PPP3CA: variants seen among roughly 807,000 people sequenced by gnomAD.
The protein encoded by PPP3CA is CAM-PRP catalytic subunit.
Under a neutral mutation model 66.5 loss-of-function variants are expected in PPP3CA, and 14 were observed. That is an observed-to-expected ratio of 0.21 (90% confidence interval 0.14 to 0.33). PPP3CA has a LOEUF of 0.33. Among genes scored for constraint, PPP3CA ranks in the 10% least tolerant of loss-of-function variants. The probability of loss-of-function intolerance (pLI) is 1.00; values close to 1 mark genes in which losing one functional copy is unlikely to be tolerated. For synonymous variants in PPP3CA, 232 were observed against 226.2 expected (o/e 1.03, Z -0.23); for missense variants, 317 against 639.5 (o/e 0.50, Z 5.44).
Position 101,080,635 on chromosome 4 carries a change from AACAAAT to A in PPP3CA, c.861-15_861-10del, listed in dbSNP as rs1729394995. On this transcript the variant is annotated splice_polypyrimidine_tract_variant and intron_variant, in intron 7 of 13. Transcript: ENST00000394854. ...TCCTGTACATGCGGTACCTAAAAAG[AACAAAT>A]ACAGTCAAAACAAAGCTTGTATGGA... 1 of 1,445,970 alleles carries A rather than the reference AACAAAT, an allele frequency of 6.9e-7. No individual in the cohort carries two copies. The highest frequency in any genetic ancestry group is 1.9e-5 in the Admixed American group (1 of 51,584). The allele number at this position is 1,445,970 out of a possible 1,614,324, so 89.6% of individuals were successfully genotyped here.
chr4:101,193,499 C>T (rs1335847463), intron 2 of PPP3CA, among the ~76,000 whole-genome samples: 1 of 152,052 alleles, frequency 6.6e-6, no homozygotes, highest in African/African-American at 2.4e-5. Flanking sequence ...CAGAACTGGC[C>T]TCATGGCCCC....
At chr4:101,154,874 T>C (rs2110301657) in intron 2 of PPP3CA, among the ~76,000 whole-genome samples, 1 of 134,090 alleles carries the variant, frequency 7.5e-6, no homozygotes, top group Admixed American at 8.9e-5. Context: ...TGGAGTGCAG[T>C]GGTGCAATCT....
chr4:101,269,884 C>T (rs1727283744), intron 1 of PPP3CA, among the ~76,000 whole-genome samples: 1 of 152,044 alleles, frequency 6.6e-6, no homozygotes, highest in Admixed American at 6.6e-5. Flanking sequence ...ATAAGCTGCT[C>T]ATTGGTTTTT....
intron 2 of PPP3CA, chr4:101,171,245 T>C (rs1399967328): frequency 8.8e-6 from 4 of 455,744 alleles, no homozygotes; most frequent in Admixed American, 7.1e-5. Context: ...CAGAGCTCAA[T>C]TCAGACTTAC....
intron 1 of PPP3CA, among the ~76,000 whole-genome samples, chr4:101,233,929 C>T (rs1487087933): frequency 6.6e-6 from 1 of 151,634 alleles, no homozygotes; most frequent in Non-Finnish European, 1.5e-5. Context: ...CATCTGTCTG[C>T]TGCTACCCTC....
intron 1 of PPP3CA, among the ~76,000 whole-genome samples, chr4:101,278,149 T>TAAAAAAAAAAAAAAAAAAAAAAAAAAAA (rs1200528599): frequency 3.3e-5 from 4 of 119,512 alleles, no homozygotes; most frequent in African/African-American, 1.5e-4. Flanking sequence ...ATAAAAAAAT[T>TAAAAAAAAAAAAAAAAAAAAAAAAAAAA]AAAAAGTTAT....
intron 10 of PPP3CA, among the ~76,000 whole-genome samples, chr4:101,055,647 AC>A (rs1728193789): frequency 6.6e-6 from 1 of 152,148 alleles, no homozygotes; most frequent in Non-Finnish European, 1.5e-5. Context: ...GAGAATCATG[AC>A]ATGGTTTCCT....
At chr4:101,121,082 T>C (rs1226613551) in intron 2 of PPP3CA, among the ~76,000 whole-genome samples, 1 of 152,134 alleles carries the variant, frequency 6.6e-6, no homozygotes, top group African/African-American at 2.4e-5. Flanking sequence ...TAATAAATTG[T>C]GATTCATTAG....
chr4:101,297,613 G>A (rs1291553636), intron 1 of PPP3CA, among the ~76,000 whole-genome samples: 2 of 152,060 alleles, frequency 1.3e-5, no homozygotes, highest in Admixed American at 1.3e-4. Flanking sequence ...AGTCAACCAT[G>A]CCAGCCCAGA....
chr4:101,040,011 T>C (rs1727435647), intron 11 of PPP3CA, among the ~76,000 whole-genome samples: 1 of 151,990 alleles, frequency 6.6e-6, no homozygotes, highest in African/African-American at 2.4e-5. Flanking sequence ...TATATGGAAA[T>C]TGAAACAGTA....
intron 2 of PPP3CA, among the ~76,000 whole-genome samples, chr4:101,137,911 C>T (rs1016817439): frequency 2.0e-5 from 3 of 149,694 alleles, no homozygotes; most frequent in Admixed American, 6.7e-5. Flanking sequence ...CTTCCACACA[C>T]ATGCACAAAA....
rs1376796078 is a variant in PPP3CA, at chr4:101,024,537, C to CCGTAACTGATATACAA, written c.*1312_*1327dup. 6.6e-6 allele frequency: 1 copy of CCGTAACTGATATACAA among 152,468 alleles called. No homozygotes were observed. Among genetic ancestry groups the CCGTAACTGATATACAA allele is most frequent in the Non-Finnish European group, 1.5e-5 (1 of 68,010 alleles). The allele number at this position is 152,468 out of a possible 1,614,324, so 9.4% of individuals were successfully genotyped here. On this transcript the variant is annotated 3_prime_UTR_variant, in exon 14 of 14. Transcript: ENST00000394854. Reference sequence around the variant, plus strand: ...GTTTTCAGAATGAACCAGTTGTAACCCGTAACTGATATACAAAGGGAAAAA... The same window carrying CCGTAACTGATATACAA: ...GTTTTCAGAATGAACCAGTTGTAACCCGTAACTGATATACAACGTAACTGATATACAAAGGGAAAAA...
At chr4:101,224,916 T>C (rs970143320) in intron 1 of PPP3CA, among the ~76,000 whole-genome samples, 3 of 151,672 alleles carry the variant, frequency 2.0e-5, no homozygotes, top group Admixed American at 1.3e-4. Context: ...CCACACACAA[T>C]GCCTCTTTTG....
At chr4:101,182,443 T>C (rs940272728) in intron 2 of PPP3CA, among the ~76,000 whole-genome samples, 4 of 152,112 alleles carry the variant, frequency 2.6e-5, no homozygotes, top group South Asian at 2.1e-4. Flanking sequence ...CTCTTGAGCA[T>C]TGTACAGAGT....
At chr4:101,319,110 G>A (rs1319985605) in intron 1 of PPP3CA, among the ~76,000 whole-genome samples, 4 of 144,510 alleles carry the variant, frequency 2.8e-5, no homozygotes, top group African/African-American at 1.0e-4. Context: ...CAGCCACTTA[G>A]AAAATTTATT....
intron 1 of PPP3CA, among the ~76,000 whole-genome samples, chr4:101,279,431 G>C (rs1727611609): frequency 6.6e-6 from 1 of 152,178 alleles, no homozygotes; most frequent in Admixed American, 6.5e-5. Context: ...GTAAGCAGTT[G>C]ACCAACATCA....
rs188669788 is a variant in PPP3CA, at chr4:101,306,060, C to T, written c.58+40679G>A. The stretch of plus-strand genomic sequence containing the variant: ...TAAAATGGAGAATGTACTTCACCTT[C>T]ATTAGGTGATGAGGCAGTCCACCAC... On this transcript the variant is annotated intron_variant, in intron 1 of 13. Coordinates refer to ENST00000394854, the MANE Select transcript of PPP3CA (RefSeq NM_000944.5). Among the ~76,000 whole-genome samples the T allele has an allele frequency of 1.3e-3, 193 of 152,108 alleles. 2 individuals carry two copies. Among genetic ancestry groups the T allele is most frequent in the Non-Finnish European group, 9.9e-4 (67 of 68,002 alleles).
intron 2 of PPP3CA, among the ~76,000 whole-genome samples, chr4:101,184,891 G>A (rs939096974): frequency 6.6e-6 from 1 of 152,128 alleles, no homozygotes; most frequent in Admixed American, 6.6e-5. Flanking sequence ...AAGGGCTTAT[G>A]GCTGCACACT....
At chr4:101,280,244 A>G (rs1727636284) in intron 1 of PPP3CA, among the ~76,000 whole-genome samples, 1 of 152,226 alleles carries the variant, frequency 6.6e-6, no homozygotes, top group Non-Finnish European at 1.5e-5. Flanking sequence ...GAATAGTGAT[A>G]TTTGAGCAGA....
Sources: allele counts gnomAD v4.1 joint callset (sites outside exome capture counted in the v4.1 genomes callset), GRCh38; gene constraint gnomAD v4.1.1; transcripts MANE v1.5; gene names NCBI Gene and HGNC (gene_info 2026-07-23, HGNC 2026-07-21).